Variants in CACNA1E observed in about 807,000 individuals in gnomAD.
CACNA1E encodes calcium voltage-gated channel subunit alpha1 E, also known as voltage-dependent R-type calcium channel subunit alpha-1E.
CACNA1E carries 40 observed loss-of-function variants against 259.2 expected under a neutral mutation model. That is an observed-to-expected ratio of 0.15 (90% CI 0.12 to 0.20). CACNA1E has a LOEUF of 0.20. CACNA1E is among the 10% of genes least tolerant of loss of function. The pLI is 1.00. For missense variants in CACNA1E, 1,874 were observed against 3,040.1 expected, an observed-to-expected ratio of 0.62 and a Z score of 9.02; for synonymous variants, 1,104 against 1,138.5, an observed-to-expected ratio of 0.97 and a Z score of 0.61.
chr1:181,378,352 A>G (rs1437120522), intron 1 of CACNA1E, among the ~76,000 whole-genome samples: 6 of 152,262 alleles, frequency 3.9e-5, no homozygotes, highest in Admixed American at 2.0e-4. Context: ...GAGCAATGGC[A>G]AGCACATGAG....
intron 6 of CACNA1E, among the ~76,000 whole-genome samples, chr1:181,644,496 C>T (rs142949833): frequency 6.6e-6 from 1 of 152,256 alleles, no homozygotes; most frequent in African/African-American, 2.4e-5. Flanking sequence ...ACATTGTATC[C>T]TTTTCCTAAA....
chr1:181,766,624 A>T lies in CACNA1E; in HGVS notation c.4881+13A>T. On this transcript the variant is annotated intron_variant, in intron 35 of 47. Transcript: ENST00000367573. ...CATTGGGATGCAGGTGAGCTGGTAA[A>T]TCAAGGGCCCGGTGGGGGACAGCTG... 6.2e-7 allele frequency: 1 copy of T among 1,603,012 alleles called. No individual in the cohort carries two copies. Among genetic ancestry groups the T allele is most frequent in the Non-Finnish European group, 8.5e-7 (1 of 1,170,528 alleles).
chr1:181,493,803 CATG>C (rs1558052013), intron 1 of CACNA1E, among the ~76,000 whole-genome samples: 1 of 152,204 alleles, frequency 6.6e-6, no homozygotes, highest in South Asian at 2.1e-4. Context: ...AGAGGGAATA[CATG>C]ATGAGTCAGA....
chr1:181,587,200 T>C (rs1652156988), intron 6 of CACNA1E, among the ~76,000 whole-genome samples: 1 of 152,214 alleles, frequency 6.6e-6, no homozygotes, highest in African/African-American at 2.4e-5. Context: ...AGTAAGGTCA[T>C]CAGCAGAGGG....
intron 6 of CACNA1E, among the ~76,000 whole-genome samples, chr1:181,633,457 A>G (rs1379089727): frequency 6.6e-6 from 1 of 152,048 alleles, no homozygotes; most frequent in Non-Finnish European, 1.5e-5. Context: ...GTAGGCAGAG[A>G]GGTGGAGAGG....
At chr1:181,320,728 G>T (rs2609481) in intron 1 of CACNA1E, among the ~76,000 whole-genome samples, 125,519 of 152,034 alleles carry the variant, frequency 0.83, 52,027 homozygotes, top group African/African-American at 0.89. Flanking sequence ...CTGCTCAGCC[G>T]GGGGGGTGAT....
chr1:181,797,632 C>T (rs1038972699), intron 47 of CACNA1E, among the ~76,000 whole-genome samples: 4 of 152,186 alleles, frequency 2.6e-5, no homozygotes, highest in African/African-American at 9.7e-5. Context: ...TTTGAAAAGA[C>T]CCCTCTGTAG....
chr1:181,478,149 G>A (rs1662985942), intron 2 of CACNA1E, among the ~76,000 whole-genome samples: 2 of 152,356 alleles, frequency 1.3e-5, no homozygotes, highest in Admixed American at 1.3e-4. Context: ...AACAGGATGT[G>A]CCTCACAGTC....
At chr1:181,428,496 A>G (rs2102237905) in intron 2 of CACNA1E, among the ~76,000 whole-genome samples, 1 of 152,222 alleles carries the variant, frequency 6.6e-6, no homozygotes, top group South Asian at 2.1e-4. Context: ...TTGTGAATTC[A>G]GAAGTTCCTT....
chr1:181,499,251 C>T (rs1395021531), intron 1 of CACNA1E, among the ~76,000 whole-genome samples: 1 of 152,210 alleles, frequency 6.6e-6, no homozygotes, highest in Non-Finnish European at 1.5e-5. Flanking sequence ...ACTATCCAGA[C>T]TCTGCCCTGA....
chr1:181,407,962 C>T (rs1350923908), intron 1 of CACNA1E, among the ~76,000 whole-genome samples: 1 of 152,150 alleles, frequency 6.6e-6, no homozygotes, highest in Non-Finnish European at 1.5e-5. Context: ...TACCCTCATC[C>T]AGCCTATGGC....
chr1:181,603,357 T>C (rs1441848874), intron 6 of CACNA1E, among the ~76,000 whole-genome samples: 1 of 152,208 alleles, frequency 6.6e-6, no homozygotes, highest in East Asian at 1.9e-4. Flanking sequence ...TTGTTGATTA[T>C]GTTACAACCA....
chr1:181,436,974 A>G (rs777137687), intron 2 of CACNA1E, among the ~76,000 whole-genome samples: 5 of 152,218 alleles, frequency 3.3e-5, no homozygotes, highest in African/African-American at 4.8e-5. Flanking sequence ...AACCCCATAA[A>G]TATATACAAT....
chr1:181,424,457 C>T (rs1405426472), intron 2 of CACNA1E, among the ~76,000 whole-genome samples: 3 of 152,210 alleles, frequency 2.0e-5, no homozygotes, highest in Non-Finnish European at 2.9e-5. Flanking sequence ...AAATGCTTCC[C>T]TAGAGAACTG....
chr1:181,520,379 A>T (rs1666905805), intron 3 of CACNA1E, among the ~76,000 whole-genome samples: 1 of 152,188 alleles, frequency 6.6e-6, no homozygotes, highest in Admixed American at 6.5e-5. Flanking sequence ...GTGAACAATA[A>T]TACCTTCCCT....
At chr1:181,382,157 A>G (rs1403903463) in intron 1 of CACNA1E, among the ~76,000 whole-genome samples, 4 of 152,180 alleles carry the variant, frequency 2.6e-5, no homozygotes, top group Non-Finnish European at 5.9e-5. Flanking sequence ...AGCCAGCCAT[A>G]TGAAGATGAG....
chr1:181,687,495 G>C (rs1023018720), intron 7 of CACNA1E, among the ~76,000 whole-genome samples: 1 of 152,184 alleles, frequency 6.6e-6, no homozygotes, highest in Non-Finnish European at 1.5e-5. Context: ...GCATGCCTAA[G>C]TTTCTAACTA....
chr1:181,354,260 C>G (rs1186839744), intron 1 of CACNA1E, among the ~76,000 whole-genome samples: 2 of 151,714 alleles, frequency 1.3e-5, no homozygotes, highest in African/African-American at 4.9e-5. Context: ...CCATCGTGAG[C>G]CAGGCACATT....
At chr1:181,795,777 T>TATATATATATATATAG in intron 46 of CACNA1E, among the ~76,000 whole-genome samples, 1 of 144,108 alleles carries the variant, frequency 6.9e-6, no homozygotes, top group Non-Finnish European at 1.5e-5. Flanking sequence ...AATATATATA[T>TATATATATATATATAG]ATATATATAT....
Sources: gnomAD v4.1 joint callset for allele counts (sites outside exome capture counted in the v4.1 genomes callset) on GRCh38, gnomAD v4.1.1 for gene constraint, MANE v1.5 for transcripts, NCBI Gene and HGNC (gene_info 2026-07-23, HGNC 2026-07-21) for gene names.